SDAD1: variants seen among roughly 807,000 people sequenced by gnomAD.
SDAD1 encodes protein SDA1 homolog.
Under a neutral mutation model 100.3 loss-of-function variants are expected in SDAD1, and 79 were observed. That is an observed-to-expected ratio of 0.79 (90% CI 0.66 to 0.95). The LOEUF (loss-of-function observed/expected upper bound fraction) is 0.95, where lower values mean the gene tolerates loss of function less well. Among genes scored for constraint, SDAD1 ranks in the 40% least tolerant of loss-of-function variants. The probability of loss-of-function intolerance (pLI) is 0.00; values close to 1 mark genes in which losing one functional copy is unlikely to be tolerated. For synonymous variants in SDAD1, 267 were observed against 271.4 expected, an observed-to-expected ratio of 0.98 and a Z score of 0.16; for missense variants, 790 against 810.9, an observed-to-expected ratio of 0.97 and a Z score of 0.31.
chr4:75,981,302 T>C (rs1376851426), intron 3 of SDAD1, 70 bp downstream of exon 3: 5 of 1,397,008 alleles, frequency 3.6e-6, no homozygotes, highest in Non-Finnish European at 5.0e-6. Flanking sequence ...GAGGCTGTTC[T>C]CATTTAAATA....
chr4:75,962,657 A>C (rs1046005156), intron 14 of SDAD1, among the ~76,000 whole-genome samples: 1 of 152,190 alleles, frequency 6.6e-6, no homozygotes, highest in Non-Finnish European at 1.5e-5. Flanking sequence ...CAGTGATGAT[A>C]AGCATTTTTT....
chr4:75,960,997 C>G, intron 16 of SDAD1, 31 bp downstream of exon 16: 1 of 1,591,236 alleles, frequency 6.3e-7, no homozygotes, highest in Non-Finnish European at 8.6e-7. Context: ...AGACCATAAC[C>G]TTTAGACCAA....
At chr4:75,966,414 CTA>C (rs1205885959) in intron 12 of SDAD1, among the ~76,000 whole-genome samples, 2 of 152,078 alleles carry the variant, frequency 1.3e-5, no homozygotes, top group Non-Finnish European at 2.9e-5. Context: ...CTGAGTGACT[CTA>C]GTCTTTTTTT....
chr4:75,981,978 A>C lies in SDAD1; in HGVS notation c.150T>G (p.Asn50Lys). ...GCTCTGCTAGTTCTTTGCTGGGTTT[A>C]TTTGGTTGCAATTTGAAAATCTCCA... The part of the protein sequence containing the change: ...SNVEIFKLQP[N>K]KPSKELAELV... Residue 50 changes from asparagine to lysine, a missense_variant, in exon 2 of 22, where the codon AAT (asparagine) becomes AAG (lysine). Transcript: ENST00000356260. 6.2e-7 allele frequency: 1 copy of C among 1,612,308 alleles called. No homozygotes were observed.
At chr4:75,985,035 A>G (rs997993360) in intron 1 of SDAD1, among the ~76,000 whole-genome samples, 1 of 152,114 alleles carries the variant, frequency 6.6e-6, no homozygotes, top group African/African-American at 2.4e-5. Context: ...CGACACCTCC[A>G]CTGAATAGGA....
At chr4:75,961,147 T>C (rs1729206834) in intron 15 of SDAD1, 43 bp from the exon 16 acceptor site, 4 of 1,606,304 alleles carry the variant, frequency 2.5e-6, no homozygotes, top group African/African-American at 2.7e-5. Context: ...GCCCATAGAG[T>C]ACAATGAGGT....
At chr4:75,983,967 A>T (rs554142137) in intron 1 of SDAD1, among the ~76,000 whole-genome samples, 21 of 152,158 alleles carry the variant, frequency 1.4e-4, no homozygotes, top group African/African-American at 5.1e-4. Context: ...TTTTTGTACA[A>T]GGTGTAAGGA....
chr4:75,981,808 G>T, intron 2 of SDAD1, 125 bp downstream of exon 2: 1 of 816,238 alleles, frequency 1.2e-6, no homozygotes, highest in Non-Finnish European at 1.9e-6. Flanking sequence ...TGCAAAAAGG[G>T]AAAGTTAGAA....
intron 3 of SDAD1, among the ~76,000 whole-genome samples, chr4:75,978,087 C>A (rs1730260239): frequency 6.6e-6 from 1 of 152,050 alleles, no homozygotes; most frequent in African/African-American, 2.4e-5. Flanking sequence ...TACGGCAAAA[C>A]CCTGAATCCA....
intron 10 of SDAD1, among the ~76,000 whole-genome samples, chr4:75,969,865 A>G (rs866730058): frequency 1.8e-4 from 28 of 152,304 alleles, no homozygotes; most frequent in African/African-American, 4.8e-4. Context: ...TTCTCTGGAG[A>G]TAACAGGACC....
Position 75,950,688 on chromosome 4 carries a change from C to G in SDAD1, c.*62G>C. On this transcript the variant is annotated 3_prime_UTR_variant, in exon 22 of 22. Coordinates refer to ENST00000356260, the MANE Select transcript of SDAD1 (RefSeq NM_018115.4). ...ATGTAAACAAACATGCTTGATTTACCAATTTTCAGAGCAAGGACACAAACT... is the reference window on the plus strand; with the variant it reads ...ATGTAAACAAACATGCTTGATTTACGAATTTTCAGAGCAAGGACACAAACT... 1 of 1,221,432 alleles carries G rather than the reference C, an allele frequency of 8.2e-7. No homozygotes were observed. The highest frequency in any genetic ancestry group is 1.2e-6 in the Non-Finnish European group (1 of 844,802). 75.7% of individuals were successfully genotyped at this position (1,221,432 alleles called of 1,614,324 possible).
chr4:75,990,280 C>G (rs899998456), intron 1 of SDAD1, among the ~76,000 whole-genome samples: 5 of 149,674 alleles, frequency 3.3e-5, no homozygotes, highest in Non-Finnish European at 6.0e-5. Context: ...AGAAACCCCC[C>G]CCCCCCCTTT....
At chr4:75,954,152 C>A (rs1406144195) in intron 21 of SDAD1, among the ~76,000 whole-genome samples, 2 of 152,064 alleles carry the variant, frequency 1.3e-5, no homozygotes, top group East Asian at 1.9e-4. Context: ...GAGACCGAGG[C>A]AGGCAGATCA....
chr4:75,977,223 A>C (rs1358819264), intron 4 of SDAD1, among the ~76,000 whole-genome samples: 1 of 152,224 alleles, frequency 6.6e-6, no homozygotes, highest in Non-Finnish European at 1.5e-5. Flanking sequence ...TATAGCTGTG[A>C]GTACCAATGT....
At chr4:75,955,310 T>A (rs1728826937) in intron 21 of SDAD1, among the ~76,000 whole-genome samples, 1 of 152,240 alleles carries the variant, frequency 6.6e-6, no homozygotes, top group Non-Finnish European at 1.5e-5. Context: ...GTATATCCAG[T>A]GCATTGGCAG....
chr4:75,963,304 A>G (rs1199421815), intron 14 of SDAD1, among the ~76,000 whole-genome samples: 1 of 138,486 alleles, frequency 7.2e-6, no homozygotes, highest in African/African-American at 2.9e-5. Flanking sequence ...GCCTTGTAGT[A>G]TAGTTTGAAG....
intron 9 of SDAD1, 21 bp downstream of exon 9, chr4:75,971,335 AT>A: frequency 6.5e-7 from 1 of 1,535,802 alleles, no homozygotes; most frequent in Non-Finnish European, 9.0e-7. Context: ...CTCCTATCTC[AT>A]TTTCCAGATA....
chr4:75,957,976 T>C, intron 17 of SDAD1, 35 bp from the exon 18 acceptor site: 1 of 1,523,464 alleles, frequency 6.6e-7, no homozygotes, highest in Non-Finnish European at 9.1e-7. Flanking sequence ...ACTGCCATTT[T>C]ATGTTGCACA....
In SDAD1 at chr4:75,978,982, G is replaced by GAAAAAAAAAAAA. The variant is rs538009004; in HGVS notation, c.295-1238_295-1227dup. 3.9e-3 allele frequency among the ~76,000 whole-genome samples: 148 copies of GAAAAAAAAAAAA among 38,060 alleles called. 23 individuals carry two copies. The highest frequency in any genetic ancestry group is 0.015 in the East Asian group (9 of 596). 25.0% of individuals were successfully genotyped at this position (38,060 alleles called of 152,430 possible). On this transcript the variant is annotated intron_variant, in intron 3 of 21. Transcript: ENST00000356260. ...CAGCTGAGTGACAGACCCTGTCTCA[G>GAAAAAAAAAAAA]AAAAAAAAAAAAAAAAAAAAAAAAA...
Sources: allele counts gnomAD v4.1 joint callset (sites outside exome capture counted in the v4.1 genomes callset), GRCh38; gene constraint gnomAD v4.1.1; transcripts MANE v1.5; gene names NCBI Gene and HGNC (gene_info 2026-07-23, HGNC 2026-07-21).